STPG2: variants seen among roughly 807,000 people sequenced by gnomAD.
The protein encoded by STPG2 is sperm tail PG-rich repeat containing 2.
In STPG2, 56 loss-of-function variants were observed where a neutral mutation model predicts 54.2. That is an observed-to-expected ratio of 1.03 (90% CI 0.83 to 1.29). The LOEUF (loss-of-function observed/expected upper bound fraction) is 1.29. STPG2 is among the 50% of genes most tolerant of loss of function. The probability of loss-of-function intolerance (pLI) is 0.00; values close to 1 mark genes in which losing one functional copy is unlikely to be tolerated. For missense variants in STPG2, 596 were observed against 544.9 expected (o/e 1.09, Z -0.93); for synonymous variants, 200 against 181.8 (o/e 1.10, Z -0.81).
chr4:97,610,054 G>A (rs986943380), intron 10 of STPG2, among the ~76,000 whole-genome samples: 2 of 152,044 alleles, frequency 1.3e-5, no homozygotes, highest in Admixed American at 6.6e-5. Context: ...TAATTTTCCT[G>A]AGAAGGTTCA....
intron 4 of STPG2, among the ~76,000 whole-genome samples, chr4:97,462,099 C>T: frequency 6.6e-6 from 1 of 151,918 alleles, no homozygotes; most frequent in East Asian, 1.9e-4. Flanking sequence ...ATCAACAACA[C>T]ATCTGGAATC....
intron 5 of STPG2, among the ~76,000 whole-genome samples, chr4:97,993,682 C>T (rs1735097501): frequency 6.6e-6 from 1 of 151,942 alleles, no homozygotes; most frequent in Non-Finnish European, 1.5e-5. Context: ...CTTTGAATGT[C>T]TGACAGAACT....
intron 9 of STPG2, among the ~76,000 whole-genome samples, chr4:97,810,786 G>A (rs1037367380): frequency 2.0e-5 from 3 of 152,162 alleles, no homozygotes; most frequent in African/African-American, 7.2e-5. Flanking sequence ...TATATAAAAT[G>A]TTACAGAAAG....
At chr4:97,892,905 A>AGTC (rs1730826271) in intron 8 of STPG2, 1 of 152,076 alleles carries the variant, frequency 6.6e-6, no homozygotes, top group Non-Finnish European at 1.5e-5. Flanking sequence ...CTTTGGACTC[A>AGTC]CTCTCAAATT....
intron 8 of STPG2, among the ~76,000 whole-genome samples, chr4:97,854,252 C>G (rs2149134003): frequency 6.6e-6 from 1 of 152,122 alleles, no homozygotes; most frequent in Non-Finnish European, 1.5e-5. Flanking sequence ...TGGGGTCAAG[C>G]CCCAAGTCAG....
intron 5 of STPG2, among the ~76,000 whole-genome samples, chr4:98,034,031 A>G (rs552892593): frequency 6.6e-6 from 1 of 152,320 alleles, no homozygotes; most frequent in Non-Finnish European, 1.5e-5. Context: ...ATTCCCTTTG[A>G]AAACCGGCAT....
At chr4:97,939,795 T>C (rs1231269149) in intron 8 of STPG2, among the ~76,000 whole-genome samples, 1 of 152,212 alleles carries the variant, frequency 6.6e-6, no homozygotes, top group Non-Finnish European at 1.5e-5. Flanking sequence ...ATTTAGTCCA[T>C]TTACATTCAA....
intron 9 of STPG2, among the ~76,000 whole-genome samples, chr4:97,826,229 A>G (rs1264364672): frequency 6.6e-6 from 1 of 152,208 alleles, no homozygotes. Context: ...AAACAGTTCT[A>G]CATGCAAGGC....
chr4:97,654,275 A>G (rs1236994174), intron 10 of STPG2, among the ~76,000 whole-genome samples: 1 of 152,166 alleles, frequency 6.6e-6, no homozygotes, highest in African/African-American at 2.4e-5. Context: ...AGAACATCAT[A>G]AATCACCAAG....
rs1268776944 is a variant in STPG2, at chr4:97,966,233, C to T, written c.933+6047G>A. 2.0e-5 allele frequency among the ~76,000 whole-genome samples: 3 copies of T among 152,222 alleles called. No individual in the cohort carries two copies. In the East Asian group the frequency reaches 5.8e-4, roughly 29 times the overall value. On this transcript the variant is annotated intron_variant, in intron 7 of 10. Coordinates refer to ENST00000295268, the MANE Select transcript of STPG2 (RefSeq NM_174952.3). ...ACCATGGCACAAGAACTTCATGATGCATGCACAAGCTTCAATAGCTGATTC... is the reference window on the plus strand; with the variant it reads ...ACCATGGCACAAGAACTTCATGATGTATGCACAAGCTTCAATAGCTGATTC...
intron 4 of STPG2, among the ~76,000 whole-genome samples, chr4:97,553,324 G>T (rs1340181658): frequency 3.3e-5 from 5 of 152,098 alleles, no homozygotes; most frequent in Non-Finnish European, 7.4e-5. Context: ...ATATGTTGCT[G>T]CAAAGCTCAG....
At chr4:98,132,507 A>G (rs910186661) in intron 2 of STPG2, among the ~76,000 whole-genome samples, 13 of 152,054 alleles carry the variant, frequency 8.5e-5, no homozygotes, top group African/African-American at 3.1e-4. Flanking sequence ...GTTCTAGGAT[A>G]AAACTGATCA....
chr4:97,765,316 T>A lies in STPG2; in HGVS notation c.1205-52502A>T, dbSNP rs1442304746. Among the ~76,000 whole-genome samples the A allele has an allele frequency of 2.6e-5, 4 of 152,126 alleles. No homozygotes were observed. In the East Asian group the frequency reaches 7.7e-4, roughly 29 times the overall value. On this transcript the variant is annotated intron_variant, in intron 9 of 10. Coordinates refer to ENST00000295268, the MANE Select transcript of STPG2 (RefSeq NM_174952.3). ...GATATACTGAGAAAGATAGGGCATG[T>A]TTTGAGGCTGTTCACAATTGCATTA... is the stretch of plus-strand genomic sequence containing the variant.
At chr4:97,889,489 A>G (rs1560573062) in intron 8 of STPG2, among the ~76,000 whole-genome samples, 2 of 152,226 alleles carry the variant, frequency 1.3e-5, no homozygotes, top group African/African-American at 2.4e-5. Flanking sequence ...ATTCAGCCAT[A>G]AAAAGTAAAC....
In STPG2 at chr4:97,981,218, A is replaced by G. The variant is rs1211262078; in HGVS notation, c.713T>C (p.Ile238Thr). 1 of 1,614,030 alleles carries G rather than the reference A, an allele frequency of 6.2e-7. No individual in the cohort carries two copies. Among genetic ancestry groups the G allele is most frequent in the Non-Finnish European group, 8.5e-7 (1 of 1,179,958 alleles). ...SLKKTSGLKN[I>T]PFGQSAVRFT... ...TCGAACAGCACTTTGACCAAATGGA[A>G]TATTTTTCAGTCCTGATGTTTTCTT... Residue 238 changes from isoleucine to threonine, a missense_variant, in exon 6 of 11, where the codon ATT becomes ACT. Physicochemically the swap from Ile to Thr is moderately conservative, Grantham distance 89. Transcript: ENST00000295268.
At chr4:97,970,329 C>G (rs78303580) in intron 7 of STPG2, among the ~76,000 whole-genome samples, 1 of 151,838 alleles carries the variant, frequency 6.6e-6, no homozygotes, top group Non-Finnish European at 1.5e-5. Context: ...CATATGGAAC[C>G]AAAAAAGAGC....
chr4:97,783,618 A>T (rs1204950348), intron 9 of STPG2, among the ~76,000 whole-genome samples: 1 of 152,232 alleles, frequency 6.6e-6, no homozygotes, highest in East Asian at 1.9e-4. Context: ...ATCAAGGCAC[A>T]TTCACATATA....
intron 9 of STPG2, among the ~76,000 whole-genome samples, chr4:97,779,449 A>T (rs1726519581): frequency 6.7e-6 from 1 of 150,114 alleles, no homozygotes; most frequent in African/African-American, 2.5e-5. Context: ...CCAAATCTAT[A>T]TCTGATCGGT....
chr4:98,081,058 C>T (rs1241485631), intron 5 of STPG2, among the ~76,000 whole-genome samples: 1 of 152,128 alleles, frequency 6.6e-6, no homozygotes, highest in East Asian at 1.9e-4. Flanking sequence ...TACCATGTCC[C>T]CTCAGCTCTG....
Sources: gnomAD v4.1 joint callset for allele counts (sites outside exome capture counted in the v4.1 genomes callset) on GRCh38, gnomAD v4.1.1 for gene constraint, MANE v1.5 for transcripts, NCBI Gene and HGNC (gene_info 2026-07-23, HGNC 2026-07-21) for gene names.